MACROD2: variants seen among roughly 807,000 people sequenced by gnomAD.
MACROD2 encodes the protein mono-ADP ribosylhydrolase 2.
In MACROD2, 36 loss-of-function variants were observed where a neutral mutation model predicts 70.4. That is an observed-to-expected ratio of 0.51 (90% CI 0.39 to 0.68). The LOEUF (loss-of-function observed/expected upper bound fraction) is 0.68, where lower values mean the gene tolerates loss of function less well. Ranked by LOEUF, MACROD2 falls within the 30% of genes least tolerant of loss-of-function variation. The probability of loss-of-function intolerance (pLI) is 0.00; values close to 1 mark genes in which losing one functional copy is unlikely to be tolerated. For synonymous variants in MACROD2, 172 were observed against 178.8 expected (o/e 0.96, Z 0.30); for missense variants, 496 against 538.4 (o/e 0.92, Z 0.78).
intron 8 of MACROD2, among the ~76,000 whole-genome samples, chr20:15,588,429 G>C (rs954982650): frequency 6.6e-6 from 1 of 152,150 alleles, no homozygotes; most frequent in Non-Finnish European, 1.5e-5. Flanking sequence ...ACATTAGGCT[G>C]CTTGCTACTT....
At chr20:14,243,263 T>C (rs1261678087) in intron 3 of MACROD2, among the ~76,000 whole-genome samples, 2 of 152,222 alleles carry the variant, frequency 1.3e-5, no homozygotes, top group Non-Finnish European at 2.9e-5. Context: ...CATATTCTTA[T>C]ACATTTAGTT....
chr20:15,469,815 G>A (rs150398638), intron 7 of MACROD2, among the ~76,000 whole-genome samples: 3,327 of 152,130 alleles, frequency 0.022, 68 homozygotes, highest in South Asian at 0.075. Flanking sequence ...ACCAAGCACC[G>A]ACTCCATACC....
At chr20:14,643,423 C>G (rs1326562361) in intron 4 of MACROD2, among the ~76,000 whole-genome samples, 1 of 152,148 alleles carries the variant, frequency 6.6e-6, no homozygotes, top group African/African-American at 2.4e-5. Flanking sequence ...TGTGATAACT[C>G]ATACCTGGCA....
chr20:15,219,955 T>TG (rs1323814111), intron 5 of MACROD2, among the ~76,000 whole-genome samples: 6 of 108,760 alleles, frequency 5.5e-5, no homozygotes, highest in African/African-American at 1.1e-4. Flanking sequence ...AATCATCTCC[T>TG]GAAAAAAAAA....
At chr20:14,551,813 G>T (rs1182072544) in intron 4 of MACROD2, among the ~76,000 whole-genome samples, 1 of 152,144 alleles carries the variant, frequency 6.6e-6, no homozygotes, top group East Asian at 1.9e-4. Context: ...TTTCAATTTT[G>T]AATGGTGTTT....
chr20:15,470,674 G>A lies in MACROD2; in HGVS notation c.572-29100G>A, dbSNP rs115888456. 7.4e-3 allele frequency among the ~76,000 whole-genome samples: 1,123 copies of A among 152,136 alleles called. 14 individuals carry two copies. The highest frequency in any genetic ancestry group is 0.026 in the African/African-American group (1,079 of 41,506). ...ACTGCCTCCATCTGTGGTGGTCCAG[G>A]GCTGTTTCTCAGTGGCAGGACACTG... On this transcript the variant is annotated intron_variant, in intron 7 of 17. Transcript: ENST00000684519.
At chr20:14,237,608 T>G (rs1029587998) in intron 3 of MACROD2, among the ~76,000 whole-genome samples, 17 of 152,010 alleles carry the variant, frequency 1.1e-4, no homozygotes, top group African/African-American at 3.4e-4. Flanking sequence ...TAGTTACATA[T>G]GTATACATGT....
At chr20:15,797,529 T>G (rs1600906321) in intron 8 of MACROD2, among the ~76,000 whole-genome samples, 1 of 78,748 alleles carries the variant, frequency 1.3e-5, no homozygotes, top group African/African-American at 6.2e-5. Context: ...CGGATGGTCA[T>G]TTTTTATCAG....
At chr20:15,107,917 C>T (rs2123212420) in intron 5 of MACROD2, among the ~76,000 whole-genome samples, 1 of 151,362 alleles carries the variant, frequency 6.6e-6, no homozygotes, top group South Asian at 2.1e-4. Flanking sequence ...CCAGGTTCAG[C>T]TTGCAGGATT....
chr20:15,223,356 G>C (rs1435520116), intron 5 of MACROD2, among the ~76,000 whole-genome samples: 1 of 152,166 alleles, frequency 6.6e-6, no homozygotes, highest in African/African-American at 2.4e-5. Context: ...ACACTTTAGG[G>C]AAATAACATC....
intron 12 of MACROD2, among the ~76,000 whole-genome samples, chr20:15,957,116 G>A (rs2065987994): frequency 6.6e-6 from 1 of 152,146 alleles, no homozygotes; most frequent in African/African-American, 2.4e-5. Flanking sequence ...GAGAGTTAGA[G>A]TGGTGATGAT....
chr20:14,480,910 A>G (rs1014669554), intron 3 of MACROD2, among the ~76,000 whole-genome samples: 15 of 152,146 alleles, frequency 9.9e-5, no homozygotes, highest in African/African-American at 3.6e-4. Flanking sequence ...CAATGTAACT[A>G]ACATTTTACT....
At chr20:14,936,458 C>A (rs1016047511) in intron 5 of MACROD2, among the ~76,000 whole-genome samples, 4 of 152,122 alleles carry the variant, frequency 2.6e-5, no homozygotes, top group African/African-American at 9.7e-5. Context: ...TATGTCCCCA[C>A]AAGCTTTTAG....
At chr20:14,116,138 C>A (rs2148688553) in intron 3 of MACROD2, among the ~76,000 whole-genome samples, 1 of 152,272 alleles carries the variant, frequency 6.6e-6, no homozygotes, top group Non-Finnish European at 1.5e-5. Flanking sequence ...AGGTAGGAAG[C>A]AATTCTACTC....
intron 5 of MACROD2, among the ~76,000 whole-genome samples, chr20:14,815,517 G>A (rs367689854): frequency 5.9e-5 from 9 of 152,098 alleles, no homozygotes; most frequent in African/African-American, 1.9e-4. Flanking sequence ...GCACGCACAT[G>A]TGCATATTTA....
intron 3 of MACROD2, among the ~76,000 whole-genome samples, chr20:14,180,055 T>C (rs1283936693): frequency 6.6e-6 from 1 of 152,184 alleles, no homozygotes; most frequent in African/African-American, 2.4e-5. Context: ...CAAAACGCTG[T>C]ACCCATTAAA....
intron 4 of MACROD2, among the ~76,000 whole-genome samples, chr20:14,516,418 G>T (rs1600328616): frequency 6.6e-6 from 1 of 151,920 alleles, no homozygotes; most frequent in African/African-American, 2.4e-5. Flanking sequence ...TTTCTTCTAG[G>T]GTTTTTATGG....
chr20:14,970,516 G>T (rs116425912), intron 5 of MACROD2, among the ~76,000 whole-genome samples: 1,630 of 152,032 alleles, frequency 0.011, 31 homozygotes, highest in African/African-American at 0.038. Context: ...AGTGTTGAAG[G>T]GATGTATTTC....
intron 5 of MACROD2, among the ~76,000 whole-genome samples, chr20:15,178,882 A>G (rs1333326768): frequency 6.6e-6 from 1 of 152,198 alleles, no homozygotes; most frequent in African/African-American, 2.4e-5. Context: ...GGTAATGGGT[A>G]GTGACCACAG....
Sources: gnomAD v4.1 joint callset for allele counts (sites outside exome capture counted in the v4.1 genomes callset) on GRCh38, gnomAD v4.1.1 for gene constraint, MANE v1.5 for transcripts, NCBI Gene and HGNC (gene_info 2026-07-23, HGNC 2026-07-21) for gene names.